ALDH1A3: variants seen among roughly 807,000 people sequenced by gnomAD.
ALDH1A3 encodes the protein retinaldehyde dehydrogenase 3.
A neutral mutation model predicts 57.5 loss-of-function variants in ALDH1A3; 28 were observed. The observed-to-expected ratio is 0.49, with a 90% CI of 0.36 to 0.67. The LOEUF is 0.67. Among genes scored for constraint, ALDH1A3 ranks in the 30% least tolerant of loss-of-function variants. ALDH1A3 has a pLI of 0.00. For missense variants in ALDH1A3, 507 were observed against 669.4 expected (o/e 0.76, Z 2.68); for synonymous variants, 281 against 264.8 (o/e 1.06, Z -0.59).
At chr15:100,885,595 T>C (rs2141547837) in intron 2 of ALDH1A3, among the ~76,000 whole-genome samples, 1 of 152,170 alleles carries the variant, frequency 6.6e-6, no homozygotes, top group South Asian at 2.1e-4. Flanking sequence ...ATGTTTCTCC[T>C]ACTATGAGGA....
intron 1 of ALDH1A3, chr15:100,881,627 A>G (rs1442866491): frequency 6.6e-6 from 1 of 151,932 alleles, no homozygotes; most frequent in Non-Finnish European, 1.5e-5. Context: ...GACCTTAGAC[A>G]ATTCACAGAG....
chr15:100,883,549 G>T (rs1243622503), intron 1 of ALDH1A3, among the ~76,000 whole-genome samples: 1 of 152,136 alleles, frequency 6.6e-6, no homozygotes, highest in Non-Finnish European at 1.5e-5. Context: ...GGGGCAGCTG[G>T]TCTCTGCTCA....
chr15:100,898,603 C>G (rs1487632761), intron 8 of ALDH1A3, among the ~76,000 whole-genome samples: 1 of 152,190 alleles, frequency 6.6e-6, no homozygotes, highest in Non-Finnish European at 1.5e-5. Flanking sequence ...GTCACATTTC[C>G]TATCATATGT....
intron 12 of ALDH1A3, among the ~76,000 whole-genome samples, chr15:100,912,970 A>G (rs2041894784): frequency 2.7e-5 from 1 of 37,512 alleles, no homozygotes. Context: ...CATCCTGGCT[A>G]ACAAGGTGAA....
At chr15:100,911,333 C>T (rs959612873) in intron 12 of ALDH1A3, among the ~76,000 whole-genome samples, 6 of 152,170 alleles carry the variant, frequency 3.9e-5, no homozygotes, top group African/African-American at 1.4e-4. Flanking sequence ...TGTTTCTGTG[C>T]GGGTCTCAGG....
intron 12 of ALDH1A3, among the ~76,000 whole-genome samples, chr15:100,909,365 A>T (rs2141573284): frequency 7.1e-6 from 1 of 141,694 alleles, no homozygotes; most frequent in East Asian, 2.2e-4. Flanking sequence ...CCACGTGTGC[A>T]TGTAAACCCA....
At chr15:100,907,383 A>C in intron 11 of ALDH1A3, 105 bp downstream of exon 11, 1 of 1,330,756 alleles carries the variant, frequency 7.5e-7, no homozygotes, top group Non-Finnish European at 1.0e-6. Flanking sequence ...TGTATATTAT[A>C]TACCAAGCCC....
chr15:100,887,440 G>A lies in ALDH1A3; in HGVS notation c.205-132G>A, dbSNP rs28557216. On this transcript the variant is annotated intron_variant, in intron 2 of 12. Coordinates refer to ENST00000329841, the MANE Select transcript of ALDH1A3 (RefSeq NM_000693.4). This position sits in a 1 kb window ranked among gnomAD's most constrained non-coding sequence, Gnocchi z 4.6. ...AAGATGACACCCAAACTGCAGTCAC[G>A]TCAAAAGATGACACCCAAACTGCAG... 3.5e-5 allele frequency: 38 copies of A among 1,100,808 alleles called. No individual in the cohort carries two copies. In the Admixed American group the frequency reaches 4.6e-4, roughly 13 times the overall value. The allele number at this position is 1,100,808 out of a possible 1,614,324, so 68.2% of individuals were successfully genotyped here.
Position 100,906,097 on chromosome 15 carries a change from C to T in ALDH1A3, c.1233+410C>T, listed in dbSNP as rs561318434. 8.5e-5 allele frequency among the ~76,000 whole-genome samples: 13 copies of T among 152,268 alleles called. No individual in the cohort carries two copies. Among genetic ancestry groups the T allele is most frequent in the South Asian group, 6.2e-4 (3 of 4,832 alleles). On this transcript the variant is annotated intron_variant, in intron 10 of 12. Transcript: ENST00000329841. The surrounding 1 kb of genome is among the most constrained non-coding windows in gnomAD (Gnocchi z 4.8). ...AACCTGTGGATTCAGGGCCCAAAGC[C>T]GCCTTCAGTGCCCCTAGACTGAATT...
Position 100,889,636 on chromosome 15 carries a change from G to C in ALDH1A3, c.345+1924G>C, listed in dbSNP as rs941057168. Among the ~76,000 whole-genome samples the C allele has an allele frequency of 6.6e-6, 1 of 152,138 alleles. No individual in the cohort carries two copies. Among genetic ancestry groups the C allele is most frequent in the Non-Finnish European group, 1.5e-5 (1 of 68,030 alleles). On this transcript the variant is annotated intron_variant, in intron 3 of 12. Coordinates refer to ENST00000329841, the MANE Select transcript of ALDH1A3 (RefSeq NM_000693.4). The surrounding 1 kb of genome is among the most constrained non-coding windows in gnomAD (Gnocchi z 5.1). ...AGAGGATGTGCCCTGGGCACCCCCC[G>C]CCCTGAACCCTGTCCTTAAGTGTCA...
intron 12 of ALDH1A3, chr15:100,913,476 G>A (rs1046489824): frequency 2.8e-4 from 42 of 152,332 alleles, no homozygotes; most frequent in African/African-American, 9.6e-4. Context: ...GCTGCTCTCT[G>A]AACCTGTTTC....
rs753519637 is a variant in ALDH1A3, at chr15:100,893,803, C to T, written c.538-151C>T. 1.5e-5 allele frequency: 15 copies of T among 1,010,068 alleles called. No individual in the cohort carries two copies. Among genetic ancestry groups the T allele is most frequent in the Non-Finnish European group, 2.0e-5 (14 of 698,888 alleles). 62.6% of individuals were successfully genotyped at this position (1,010,068 alleles called of 1,614,324 possible). A position where few individuals can be genotyped will look rare whatever the true frequency, so the allele number is the denominator to read the frequency against. ...GTTTAGGAAGTGCTGTGCAGGATTGCAGTTCTGATCATTGCACACTCCTAT... is the reference window on the plus strand; with the variant it reads ...GTTTAGGAAGTGCTGTGCAGGATTGTAGTTCTGATCATTGCACACTCCTAT... On this transcript the variant is annotated intron_variant, in intron 5 of 12. Transcript: ENST00000329841. The surrounding 1 kb of genome is among the most constrained non-coding windows in gnomAD (Gnocchi z 4.8).
chr15:100,895,779 GC>G, intron 6 of ALDH1A3, 153 bp from the exon 7 acceptor site: 1 of 650,830 alleles, frequency 1.5e-6, no homozygotes. Context: ...CTCCCAGGGT[GC>G]CCACGGTCAA....
At chr15:100,910,948 G>T (rs938214896) in intron 12 of ALDH1A3, among the ~76,000 whole-genome samples, 3 of 152,204 alleles carry the variant, frequency 2.0e-5, no homozygotes, top group African/African-American at 7.2e-5. Context: ...CACCCTAACA[G>T]TGCTTTTGGC....
chr15:100,880,626 TC>T (rs2041538631), intron 1 of ALDH1A3: 2 of 161,724 alleles, frequency 1.2e-5, no homozygotes, highest in Admixed American at 1.3e-4. Context: ...AGCCCAGAGG[TC>T]CCGGTGTTTA....
At position 100,906,895 on chromosome 15, in the gene ALDH1A3, T is replaced by C. The variant is rs1347231786; in HGVS notation, c.1234-226T>C. Among the ~76,000 whole-genome samples, 1 of 152,236 alleles carries C rather than the reference T, an allele frequency of 6.6e-6. No homozygotes were observed. Among genetic ancestry groups the C allele is most frequent in the African/African-American group, 2.4e-5 (1 of 41,458 alleles). On this transcript the variant is annotated intron_variant, in intron 10 of 12. Transcript: ENST00000329841. This position sits in a 1 kb window ranked among gnomAD's most constrained non-coding sequence, Gnocchi z 4.8. ...ACATCTTAAACACAACATATATTTT[T>C]TGTTATTATTTTTTATTTTTGTTTC... is the stretch of plus-strand genomic sequence containing the variant.
chr15:100,882,105 A>G (rs2141544261), intron 1 of ALDH1A3, among the ~76,000 whole-genome samples: 1 of 152,378 alleles, frequency 6.6e-6, no homozygotes, highest in South Asian at 2.1e-4. Flanking sequence ...CATGGGAGCC[A>G]GCAGTGGTCT....
intron 8 of ALDH1A3, among the ~76,000 whole-genome samples, 164 bp from the exon 9 acceptor site, chr15:100,900,407 CCTCT>C (rs746719675): frequency 1.3e-5 from 2 of 152,206 alleles, no homozygotes; most frequent in Non-Finnish European, 2.9e-5. Flanking sequence ...TTTCTCCCTT[CCTCT>C]CTATTTGGGA....
At chr15:100,907,310 C>A in intron 11 of ALDH1A3, 32 bp downstream of exon 11, 1 of 1,599,822 alleles carries the variant, frequency 6.3e-7, no homozygotes. Context: ...TTCAGCTCTC[C>A]TGAGTTGCTT....
Sources: allele counts gnomAD v4.1 joint callset (sites outside exome capture counted in the v4.1 genomes callset), GRCh38; gene constraint gnomAD v4.1.1; non-coding constraint Gnocchi (gnomAD v3.1); transcripts MANE v1.5; gene names NCBI Gene and HGNC (gene_info 2026-07-23, HGNC 2026-07-21).